RSU1: variants seen among roughly 807,000 people sequenced by gnomAD.
RSU1 encodes the protein rsu-1.
In RSU1, 26 loss-of-function variants were observed where a neutral mutation model predicts 31.1. The observed-to-expected ratio is 0.84, with a 90% CI of 0.61 to 1.16. The LOEUF (loss-of-function observed/expected upper bound fraction) is 1.16, where lower values mean the gene tolerates loss of function less well. RSU1 is among the 50% of genes most tolerant of loss of function. The probability of loss-of-function intolerance (pLI) is 0.00; values close to 1 mark genes in which losing one functional copy is unlikely to be tolerated. For missense variants in RSU1, 320 were observed against 339.1 expected (o/e 0.94, Z 0.44); for synonymous variants, 164 against 136.3 (o/e 1.20, Z -1.41).
At chr10:16,746,312 A>G (rs1282565809) in intron 7 of RSU1, among the ~76,000 whole-genome samples, 2 of 152,196 alleles carry the variant, frequency 1.3e-5, no homozygotes, top group Non-Finnish European at 2.9e-5. Context: ...TACGTCCCAT[A>G]GGCTGCTGGG....
chr10:16,645,908 A>ATATACATATATG (rs1834538961), intron 8 of RSU1, among the ~76,000 whole-genome samples: 1 of 77,844 alleles, frequency 1.3e-5, no homozygotes. Flanking sequence ...ATACACATAT[A>ATATACATATATG]TGTATATATA....
chr10:16,685,976 C>T (rs776570310), intron 8 of RSU1, among the ~76,000 whole-genome samples: 1 of 152,146 alleles, frequency 6.6e-6, no homozygotes, highest in East Asian at 1.9e-4. Flanking sequence ...TTGATGAATA[C>T]ATTGAGGCAT....
chr10:16,685,794 C>T (rs2131553429), intron 8 of RSU1, among the ~76,000 whole-genome samples: 1 of 152,304 alleles, frequency 6.6e-6, no homozygotes, highest in East Asian at 1.9e-4. Flanking sequence ...CCTCATTTTA[C>T]TCAGTTACCA....
intron 8 of RSU1, among the ~76,000 whole-genome samples, chr10:16,648,559 A>G (rs1834621058): frequency 6.6e-6 from 1 of 152,192 alleles, no homozygotes; most frequent in South Asian, 2.1e-4. Context: ...TTGAAAGGGC[A>G]GGAAGGGGAC....
At chr10:16,595,197 A>C (rs1271057998) in intron 8 of RSU1, among the ~76,000 whole-genome samples, 2 of 152,212 alleles carry the variant, frequency 1.3e-5, no homozygotes, top group Non-Finnish European at 2.9e-5. Context: ...TACAGGGATG[A>C]GCCACTGTGC....
intron 2 of RSU1, among the ~76,000 whole-genome samples, chr10:16,797,856 CT>C (rs766748303): frequency 1.5e-3 from 159 of 103,508 alleles, no homozygotes; most frequent in African/African-American, 3.8e-3. Context: ...GGGATTTCTT[CT>C]TTTTTTTTTT....
intron 8 of RSU1, among the ~76,000 whole-genome samples, chr10:16,682,060 C>A (rs1315918189): frequency 6.6e-6 from 1 of 152,128 alleles, no homozygotes; most frequent in Non-Finnish European, 1.5e-5. Context: ...GAAGAGAATT[C>A]TGTGCCTCTT....
At chr10:16,704,984 T>C (rs1044025578) in intron 7 of RSU1, among the ~76,000 whole-genome samples, 6 of 152,152 alleles carry the variant, frequency 3.9e-5, no homozygotes, top group African/African-American at 1.4e-4. Context: ...CTTTTTTTCA[T>C]CTTGTAAAAC....
In RSU1 at chr10:16,675,538, C is replaced by T. The variant is rs192534361; in HGVS notation, c.731+19485G>A. Among the ~76,000 whole-genome samples, 5 of 152,156 alleles carry T rather than the reference C, an allele frequency of 3.3e-5. No individual in the cohort carries two copies. In the East Asian group the frequency reaches 9.7e-4, roughly 29 times the overall value. ...GAGCTTACACACTTGGCAGCCAATTCCAGAACACTAGAGACCAGCGTCAGG... is the reference window on the plus strand; with the variant it reads ...GAGCTTACACACTTGGCAGCCAATTTCAGAACACTAGAGACCAGCGTCAGG... On this transcript the variant is annotated intron_variant, in intron 8 of 8. Coordinates refer to ENST00000345264, the MANE Select transcript of RSU1 (RefSeq NM_012425.4).
intron 7 of RSU1, among the ~76,000 whole-genome samples, chr10:16,727,796 T>G (rs952335682): frequency 1.3e-5 from 2 of 152,152 alleles, no homozygotes; most frequent in Non-Finnish European, 2.9e-5. Context: ...GTCGTGCTAT[T>G]TAGACAACCA....
chr10:16,774,964 A>G (rs1182583692), intron 3 of RSU1, among the ~76,000 whole-genome samples: 2 of 152,046 alleles, frequency 1.3e-5, no homozygotes, highest in Non-Finnish European at 2.9e-5. Flanking sequence ...GGCTTGCTTG[A>G]GCCCAGGAGT....
At chr10:16,613,932 G>A (rs1480110280) in intron 8 of RSU1, among the ~76,000 whole-genome samples, 1 of 152,120 alleles carries the variant, frequency 6.6e-6, no homozygotes. Flanking sequence ...TCTATTGCCA[G>A]GCTATATTCC....
chr10:16,728,140 A>G (rs1039655025), intron 7 of RSU1, among the ~76,000 whole-genome samples: 1 of 152,192 alleles, frequency 6.6e-6, no homozygotes, highest in Non-Finnish European at 1.5e-5. Flanking sequence ...ATTTCTGGAC[A>G]TGACATCTTT....
chr10:16,611,534 T>C (rs995210621), intron 8 of RSU1, among the ~76,000 whole-genome samples: 1 of 152,216 alleles, frequency 6.6e-6, no homozygotes, highest in East Asian at 1.9e-4. Flanking sequence ...TTGACAACTG[T>C]TGATTTGTTT....
intron 3 of RSU1, among the ~76,000 whole-genome samples, chr10:16,780,962 G>T (rs998989841): frequency 1.3e-5 from 2 of 152,132 alleles, no homozygotes; most frequent in Non-Finnish European, 2.9e-5. Flanking sequence ...CTTGTTTCTT[G>T]CACATGAGGG....
chr10:16,779,407 T>A (rs1295333075), intron 3 of RSU1, among the ~76,000 whole-genome samples: 2 of 152,154 alleles, frequency 1.3e-5, no homozygotes, highest in African/African-American at 4.8e-5. Context: ...CCAAAACCAC[T>A]GGCAAGAAAA....
chr10:16,740,006 CA>C (rs60153021), intron 7 of RSU1, among the ~76,000 whole-genome samples: 5 of 152,140 alleles, frequency 3.3e-5, no homozygotes, highest in African/African-American at 1.2e-4. Flanking sequence ...ATTCATAATT[CA>C]AAACTTTCCC....
chr10:16,734,265 G>A (rs140348694), intron 7 of RSU1, among the ~76,000 whole-genome samples: 102 of 152,340 alleles, frequency 6.7e-4, no homozygotes, highest in Middle Eastern at 3.4e-3. Flanking sequence ...AAAGAGAGCA[G>A]ATCAAATGAG....
intron 8 of RSU1, among the ~76,000 whole-genome samples, chr10:16,641,445 CTG>C (rs752813356): frequency 5.3e-5 from 8 of 150,260 alleles, no homozygotes; most frequent in Non-Finnish European, 1.0e-4. Context: ...TAAGCCGAGA[CTG>C]TGCCACTGCA....
Sources: allele counts gnomAD v4.1 joint callset (sites outside exome capture counted in the v4.1 genomes callset), GRCh38; gene constraint gnomAD v4.1.1; transcripts MANE v1.5; gene names NCBI Gene and HGNC (gene_info 2026-07-23, HGNC 2026-07-21).